GLYATL1: variants seen among roughly 807,000 people sequenced by gnomAD.
GLYATL1 encodes the protein glycine N-acyltransferase-like protein 1.
Under a neutral mutation model 20.0 loss-of-function variants are expected in GLYATL1, and 15 were observed. The ratio of observed to expected loss-of-function variants is 0.75; its 90% CI spans 0.50 to 1.15. GLYATL1 has a LOEUF of 1.15. Among genes scored for constraint, GLYATL1 ranks in the 50% most tolerant of loss-of-function variants. The pLI, the probability that GLYATL1 is intolerant of heterozygous loss-of-function variation, is 0.00. For missense variants in GLYATL1, 380 were observed against 368.5 expected (o/e 1.03, Z -0.26); for synonymous variants, 151 against 131.5 (o/e 1.15, Z -1.01).
At chr11:58,947,407 C>A in intron 3 of GLYATL1, 1 of 557,720 alleles carries the variant, frequency 1.8e-6, no homozygotes, top group Non-Finnish European at 3.1e-6. Context: ...TGGCTACGAA[C>A]ATGGTTTGGA....
chr11:58,907,988 G>T (rs7126489), exon 2 of GLYATL1: 113,461 of 152,996 alleles, frequency 0.74, 44,490 homozygotes, highest in Non-Finnish European at 0.88. Flanking sequence ...TGTTACATCT[G>T]CTCCTTTCCG....
Position 58,947,942 on chromosome 11 carries a change from G to C in GLYATL1, c.163G>C (p.Val55Leu). 2 of 1,613,588 alleles carry C rather than the reference G, an allele frequency of 1.2e-6. No individual in the cohort carries two copies. Among genetic ancestry groups the C allele is most frequent in the South Asian group, 2.2e-5 (2 of 91,068 alleles). The change falls in exon 4 of 7, where the codon GTT becomes CTT. Residue 55 changes from valine to leucine, a missense_variant. Val to Leu is a conservative substitution (Grantham distance 32, BLOSUM62 1). Transcript: ENST00000532726. Reference protein sequence around the residue: ...LVDSWPEYQMVIIRPQKQEMT... With the variant: ...LVDSWPEYQMLIIRPQKQEMT... Reference sequence around the variant, plus strand: ...GGATTCCTGGCCTGAATATCAGATGGTTATTATCCGGCCTCAAAAGCAGGT... The same window carrying C: ...GGATTCCTGGCCTGAATATCAGATGCTTATTATCCGGCCTCAAAAGCAGGT...
At chr11:58,938,511 A>G (rs1747011047), upstream of GLYATL1, among the ~76,000 whole-genome samples, 1 of 152,224 alleles carries the variant, frequency 6.6e-6, no homozygotes, top group South Asian at 2.1e-4. Context: ...TCAGAATCCA[A>G]GCTGCCACGA....
At chr11:58,918,120 G>A (rs1263273957) in intron 1 of GLYATL1, among the ~76,000 whole-genome samples, 1 of 152,148 alleles carries the variant, frequency 6.6e-6, no homozygotes, top group Non-Finnish European at 1.5e-5. Flanking sequence ...CATTAGTTGA[G>A]TGGTGGTTGT....
intron 1 of GLYATL1, among the ~76,000 whole-genome samples, chr11:58,920,457 T>C (rs1028602584): frequency 2.0e-5 from 3 of 152,194 alleles, no homozygotes; most frequent in African/African-American, 7.2e-5. Flanking sequence ...CCTCTACTAC[T>C]GAGTCCAAAG....
chr11:58,921,734 C>A (rs1855313967), intron 1 of GLYATL1, among the ~76,000 whole-genome samples: 1 of 152,194 alleles, frequency 6.6e-6, no homozygotes, highest in Non-Finnish European at 1.5e-5. Flanking sequence ...TTTCCCAAGC[C>A]TCCGTTCAGC....
intron 1 of GLYATL1, among the ~76,000 whole-genome samples, chr11:58,906,661 T>C: frequency 6.6e-6 from 1 of 152,144 alleles, no homozygotes; most frequent in East Asian, 1.9e-4. Context: ...GATTTAGGTA[T>C]GGTAATTAGC....
At chr11:58,952,452 A>T (rs1857064001) in intron 4 of GLYATL1, among the ~76,000 whole-genome samples, 1 of 152,150 alleles carries the variant, frequency 6.6e-6, no homozygotes. Flanking sequence ...TGGCATTAGG[A>T]TCTTTTCATC....
intron 4 of GLYATL1, among the ~76,000 whole-genome samples, chr11:58,950,371 A>G (rs151276714): frequency 5.9e-5 from 9 of 152,106 alleles, no homozygotes; most frequent in African/African-American, 2.2e-4. Flanking sequence ...TGCCTTTAAC[A>G]TATGGACATC....
In GLYATL1 at chr11:58,956,233, T is replaced by A. The variant is rs1857412090; in HGVS notation, c.*206T>A. On this transcript the variant is annotated 3_prime_UTR_variant, in exon 7 of 7. Transcript: ENST00000532726. Reference sequence around the variant, plus strand: ...GCTGGAGGCAGGGGAGGGTATATTCTTTAAATATGCTTAAGTGTTATAGGG... The same window carrying A: ...GCTGGAGGCAGGGGAGGGTATATTCATTAAATATGCTTAAGTGTTATAGGG... The A allele has an allele frequency of 1.7e-6, 1 of 575,688 alleles. No homozygotes were observed. The highest frequency in any genetic ancestry group is 1.9e-5 in the African/African-American group (1 of 53,724). The allele number at this position is 575,688 out of a possible 1,614,324, so 35.7% of individuals were successfully genotyped here. A position where few individuals can be genotyped will look rare whatever the true frequency, so the allele number is the denominator to read the frequency against.
At chr11:58,910,333 CT>C (rs1424808592), downstream of GLYATL1, among the ~76,000 whole-genome samples, 2 of 152,064 alleles carry the variant, frequency 1.3e-5, no homozygotes, top group African/African-American at 4.8e-5. Flanking sequence ...TCACTTTAGA[CT>C]TTGTTAAGTT....
At chr11:58,919,069 T>C (rs1279413830) in intron 1 of GLYATL1, among the ~76,000 whole-genome samples, 1 of 152,214 alleles carries the variant, frequency 6.6e-6, no homozygotes, top group African/African-American at 2.4e-5. Context: ...TTGGATTACA[T>C]TTCTTAACCC....
chr11:58,954,830 C>G lies in GLYATL1; in HGVS notation c.247C>G (p.Gln83Glu). ...ATATCGTATGTTCTCCAAAGAGCCT[C>G]AAAAATCAGAAGAAGTTTTGAAAAA... ...NVYRMFSKEP[Q>E]KSEEVLKNCE... Residue 83 changes from glutamine to glutamate, a missense_variant, in exon 5 of 7, where the codon CAA becomes GAA. Physicochemically the swap from Gln to Glu is conservative, Grantham distance 29. Coordinates refer to ENST00000532726, the MANE Select transcript of GLYATL1 (RefSeq NM_001389712.2). 6.2e-7 allele frequency: 1 copy of G among 1,613,088 alleles called. No individual in the cohort carries two copies. The highest frequency in any genetic ancestry group is 2.2e-5 in the East Asian group (1 of 44,872).
At chr11:58,943,469 C>A in intron 1 of GLYATL1, 74 bp from the exon 2 acceptor site, 1 of 1,534,468 alleles carries the variant, frequency 6.5e-7, no homozygotes, top group Non-Finnish European at 8.8e-7. Context: ...TTGTAGGCTG[C>A]CGGATTCACA....
intron 1 of GLYATL1, among the ~76,000 whole-genome samples, chr11:58,939,945 C>T (rs1856021237): frequency 6.6e-6 from 1 of 152,042 alleles, no homozygotes; most frequent in South Asian, 2.1e-4. Context: ...GAGGAATCAC[C>T]CCAACTGTTT....
chr11:58,955,253 C>T lies in GLYATL1; in HGVS notation c.391C>T (p.Leu131Phe), dbSNP rs1262509050. 8.1e-6 allele frequency: 13 copies of T among 1,614,070 alleles called. No individual in the cohort carries two copies. Among genetic ancestry groups the T allele is most frequent in the Non-Finnish European group, 1.0e-5 (12 of 1,179,930 alleles). ...KSVKVEHSRALLLVTEDILKL... is the reference protein window; with the variant it reads ...KSVKVEHSRAFLLVTEDILKL... The stretch of plus-strand genomic sequence containing the variant: ...AGTGAAAGTAGAGCATTCGAGAGCA[C>T]TCCTCTTGGTTACGGAAGATATTCT... Residue 131 changes from leucine (L) to phenylalanine (F), a missense_variant, in exon 6 of 7, where the codon CTC becomes TTC. By Grantham distance (22) the Leu-to-Phe change is conservative (BLOSUM62 0). Coordinates refer to ENST00000532726, the MANE Select transcript of GLYATL1 (RefSeq NM_001389712.2).
chr11:58,952,157 T>G (rs2135259133), intron 4 of GLYATL1, among the ~76,000 whole-genome samples: 1 of 152,288 alleles, frequency 6.6e-6, no homozygotes, highest in East Asian at 1.9e-4. Context: ...ATTTTCCTGT[T>G]GCTCCTACTT....
In GLYATL1 at chr11:58,952,574, T is replaced by G. The variant is rs193119997; in HGVS notation, c.187-2196T>G. Among the ~76,000 whole-genome samples the G allele has an allele frequency of 8.3e-4, 126 of 152,364 alleles. 1 individual carries two copies. The highest frequency in any genetic ancestry group is 5.6e-3 in the Admixed American group (86 of 15,308). ...TTTATTTTTTAATTTCAACATTCTT[T>G]TTAAATACGGGGGTACATGTGCAGA... On this transcript the variant is annotated intron_variant, in intron 4 of 6. Transcript: ENST00000532726.
At chr11:58,941,361 G>C (rs1590791536) in intron 1 of GLYATL1, among the ~76,000 whole-genome samples, 1 of 152,054 alleles carries the variant, frequency 6.6e-6, no homozygotes, top group Admixed American at 6.5e-5. Flanking sequence ...CCCTACAAAG[G>C]ACATGAACTC....
Sources: gnomAD v4.1 joint callset for allele counts (sites outside exome capture counted in the v4.1 genomes callset) on GRCh38, gnomAD v4.1.1 for gene constraint, MANE v1.5 for transcripts, NCBI Gene and HGNC (gene_info 2026-07-23, HGNC 2026-07-21) for gene names.